Variants in EGFR observed in about 807,000 individuals in gnomAD.
EGFR encodes the protein epidermal growth factor receptor, also known as avian erythroblastic leukemia viral (v-erb-b) oncogene homolog.
A neutral mutation model predicts 143.0 loss-of-function variants in EGFR; 58 were observed. That is an observed-to-expected ratio of 0.41 (90% CI 0.33 to 0.50). The LOEUF is 0.50. Ranked by LOEUF, EGFR falls within the 20% of genes least tolerant of loss-of-function variation. The pLI is 0.39. For missense variants in EGFR, 1,307 were observed against 1,579.0 expected, an observed-to-expected ratio of 0.83 and a Z score of 2.92; for synonymous variants, 613 against 594.4, an observed-to-expected ratio of 1.03 and a Z score of -0.45.
chr7:55,036,820 C>T (rs1787612312), intron 1 of EGFR, among the ~76,000 whole-genome samples: 1 of 152,074 alleles, frequency 6.6e-6, no homozygotes, highest in East Asian at 1.9e-4. Flanking sequence ...CAGATAAAAC[C>T]TCTAAGGAAC....
In EGFR at chr7:55,146,579, G is replaced by A. The variant is rs1470461446; in HGVS notation, c.425-27G>A. 8.1e-6 allele frequency: 13 copies of A among 1,613,602 alleles called. No individual in the cohort carries two copies. In the Admixed American group the frequency reaches 2.2e-4, roughly 27 times the overall value. Reference sequence around the variant, plus strand: ...GGAATTTAAAGGAGCTGGAAAGAGTGCTCACCGCAGTTCCATTCTCCCGCA... The same window carrying A: ...GGAATTTAAAGGAGCTGGAAAGAGTACTCACCGCAGTTCCATTCTCCCGCA... On this transcript the variant is annotated intron_variant, in intron 3 of 27. Coordinates refer to ENST00000275493, the MANE Select transcript of EGFR (RefSeq NM_005228.5).
intron 20 of EGFR, among the ~76,000 whole-genome samples, chr7:55,184,927 T>C (rs1787065302): frequency 6.6e-6 from 1 of 152,232 alleles, no homozygotes; most frequent in South Asian, 2.1e-4. Flanking sequence ...GAAGTAAAAC[T>C]ACCCAGAAAC....
chr7:55,055,666 T>G (rs1252651084), intron 1 of EGFR, among the ~76,000 whole-genome samples: 1 of 151,340 alleles, frequency 6.6e-6, no homozygotes, highest in Non-Finnish European at 1.5e-5. Context: ...TCTCTCGAGG[T>G]CTCATCCTCT....
chr7:55,191,839 G>A lies in EGFR; in HGVS notation c.2590G>A (p.Ala864Thr), dbSNP rs1171287261. Residue 864 changes from alanine to threonine, a missense_variant, in exon 21 of 28, where the codon GCG becomes ACG. This residue lies in a region of EGFR where 348 missense variants were observed against 451.5 expected (regional missense o/e 0.77). Coordinates refer to ENST00000275493, the MANE Select transcript of EGFR (RefSeq NM_005228.5). ...TDFGLAKLLG[A>T]EEKEYHAEGG... ...TTTTGGGCTGGCCAAACTGCTGGGT[G>A]CGGAAGAGAAAGAATACCATGCAGA... 4.3e-6 allele frequency: 7 copies of A among 1,614,092 alleles called. No individual in the cohort carries two copies. The highest frequency in any genetic ancestry group is 1.3e-5 in the African/African-American group (1 of 75,050).
intron 1 of EGFR, among the ~76,000 whole-genome samples, chr7:55,078,025 G>T (rs1352916435): frequency 1.3e-5 from 2 of 152,152 alleles, no homozygotes; most frequent in African/African-American, 4.8e-5. Flanking sequence ...GCCCTCTTGG[G>T]GTAAGGTACG....
At chr7:55,202,899 CAT>C in intron 27 of EGFR, 1 of 647,398 alleles carries the variant, frequency 1.5e-6, no homozygotes, top group Non-Finnish European at 2.8e-6. Flanking sequence ...CGGACATACA[CAT>C]CTGTGTGTGT....
chr7:55,174,131 T>A, intron 18 of EGFR, 88 bp downstream of exon 18: 1 of 1,559,136 alleles, frequency 6.4e-7, no homozygotes, highest in Non-Finnish European at 8.7e-7. Flanking sequence ...AGCTGTATAT[T>A]TCCATCATCT....
intron 1 of EGFR, among the ~76,000 whole-genome samples, chr7:55,028,023 T>TATATATAC (rs1271361412): frequency 1.7e-3 from 184 of 110,316 alleles, no homozygotes; most frequent in Non-Finnish European, 2.5e-3. Flanking sequence ...TATATATATA[T>TATATATAC]ATACACACAC....
At chr7:55,159,807 GTATT>G (rs1403390057) in intron 11 of EGFR, among the ~76,000 whole-genome samples, 1 of 152,220 alleles carries the variant, frequency 6.6e-6, no homozygotes, top group African/African-American at 2.4e-5. Context: ...CCTTTGAAGT[GTATT>G]TGGCTGTTTG....
At chr7:55,052,875 G>A (rs1053554672) in intron 1 of EGFR, among the ~76,000 whole-genome samples, 1 of 152,164 alleles carries the variant, frequency 6.6e-6, no homozygotes, top group Non-Finnish European at 1.5e-5. Flanking sequence ...AGCTCGCACA[G>A]CTCTTGACTC....
intron 22 of EGFR, among the ~76,000 whole-genome samples, chr7:55,194,739 C>A (rs1787547994): frequency 6.6e-6 from 1 of 152,194 alleles, no homozygotes; most frequent in African/African-American, 2.4e-5. Flanking sequence ...GGCTTAGTGC[C>A]TTGATGTGGT....
chr7:55,061,639 TGTGTGTGTGTGAGA>T (rs942563919), intron 1 of EGFR, among the ~76,000 whole-genome samples: 5 of 138,838 alleles, frequency 3.6e-5, no homozygotes, highest in African/African-American at 1.4e-4. Flanking sequence ...TGTGTGTGTG[TGTGTGTGTGTGAGA>T]GAGAGAGAGA....
rs1320068849 is a variant in EGFR at position 55,209,795 on chromosome 7, G to GC, written c.*4178_*4179insC. Reference sequence around the variant, plus strand: ...TTCTCTTTATGTAGCACTGAACTTTGTACAATATATTTTTAGAAACTCATT... The same window carrying GC: ...TTCTCTTTATGTAGCACTGAACTTTGCTACAATATATTTTTAGAAACTCATT... On this transcript the variant is annotated 3_prime_UTR_variant, in exon 28 of 28. Transcript: ENST00000275493. 6.6e-6 allele frequency: 1 copy of GC among 152,078 alleles called. No individual in the cohort carries two copies. The highest frequency in any genetic ancestry group is 1.5e-5 in the Non-Finnish European group (1 of 68,004). The allele number at this position is 152,078 out of a possible 1,614,324, so 9.4% of individuals were successfully genotyped here.
chr7:55,142,739 T>C (rs1794532264), intron 2 of EGFR, among the ~76,000 whole-genome samples: 1 of 152,236 alleles, frequency 6.6e-6, no homozygotes, highest in Non-Finnish European at 1.5e-5. Flanking sequence ...AAAAACTTTT[T>C]TTAAAAGCCC....
At chr7:55,170,982 G>A in intron 15 of EGFR, 193 bp from the exon 16 acceptor site, 2 of 1,451,928 alleles carry the variant, frequency 1.4e-6, no homozygotes, top group East Asian at 2.5e-5. Context: ...AAAAATATTT[G>A]CTGAGTGAAT....
Position 55,157,011 on chromosome 7 carries a change from G to T in EGFR, c.1207+179G>T, listed in dbSNP as rs190085020. 4.8e-5 allele frequency: 69 copies of T among 1,436,386 alleles called. No individual in the cohort carries two copies. In the Admixed American group the frequency reaches 1.0e-3, roughly 21 times the overall value. The allele number at this position is 1,436,386 out of a possible 1,614,324, so 89.0% of individuals were successfully genotyped here. A position where few individuals can be genotyped will look rare whatever the true frequency, so the allele number is the denominator to read the frequency against. On this transcript the variant is annotated intron_variant, in intron 10 of 27. Transcript: ENST00000275493. ...TTCTCCTGCAGGCAAAAGGGGACAC[G>T]TTAAGTCCAGGCTTGGGTCATTCAC...
chr7:55,121,446 T>G (rs927894242), intron 1 of EGFR, among the ~76,000 whole-genome samples: 1 of 152,220 alleles, frequency 6.6e-6, no homozygotes, highest in African/African-American at 2.4e-5. Flanking sequence ...ATTAGAAGAA[T>G]GTCCTACACA....
intron 1 of EGFR, among the ~76,000 whole-genome samples, chr7:55,089,918 A>G (rs1033946307): frequency 2.0e-5 from 3 of 152,058 alleles, no homozygotes; most frequent in South Asian, 2.1e-4. Flanking sequence ...AAATTCACCT[A>G]TGTGAGCCTA....
At chr7:55,130,742 GGA>G (rs1457666711) in intron 1 of EGFR, among the ~76,000 whole-genome samples, 3 of 152,234 alleles carry the variant, frequency 2.0e-5, no homozygotes, top group African/African-American at 7.2e-5. Flanking sequence ...GAACAGGGGT[GGA>G]GACTGTTCTG....
Sources: allele counts gnomAD v4.1 joint callset (sites outside exome capture counted in the v4.1 genomes callset), GRCh38; gene constraint gnomAD v4.1.1; regional missense constraint gnomAD v4.1.1; transcripts MANE v1.5; gene names NCBI Gene and HGNC (gene_info 2026-07-23, HGNC 2026-07-21).